FLNB: variants seen among roughly 807,000 people sequenced by gnomAD.
FLNB encodes the protein filamin B, also known as filamin-B.
Under a neutral mutation model 250.6 loss-of-function variants are expected in FLNB, and 111 were observed. That is an observed-to-expected ratio of 0.44 (90% CI 0.38 to 0.52). The LOEUF is 0.52. Ranked by LOEUF, FLNB falls within the 20% of genes least tolerant of loss-of-function variation. The probability of loss-of-function intolerance (pLI) is 0.00; values close to 1 mark genes in which losing one functional copy is unlikely to be tolerated. For missense variants in FLNB, 2,869 were observed against 3,447.8 expected, an observed-to-expected ratio of 0.83 and a Z score of 4.20; for synonymous variants, 1,302 against 1,372.1, an observed-to-expected ratio of 0.95 and a Z score of 1.13.
At chr3:58,109,490 G>T in intron 14 of FLNB, 86 bp from the exon 15 acceptor site, 3 of 1,609,282 alleles carry the variant, frequency 1.9e-6, no homozygotes, top group Admixed American at 1.7e-5. Context: ...CTGCTCAGAA[G>T]AACTATTTCT....
chr3:58,009,966 G>A (rs2097096024), intron 1 of FLNB, among the ~76,000 whole-genome samples: 1 of 152,224 alleles, frequency 6.6e-6, no homozygotes, highest in South Asian at 2.1e-4. Flanking sequence ...TGTGATGTGT[G>A]TGTGCATGTG....
chr3:58,053,530 A>G (rs2097165776), intron 1 of FLNB, among the ~76,000 whole-genome samples: 1 of 152,186 alleles, frequency 6.6e-6, no homozygotes, highest in Non-Finnish European at 1.5e-5. Context: ...GCGCTATCTC[A>G]GCTCACTGCA....
At chr3:58,099,437 T>C (rs1559691727) in intron 8 of FLNB, among the ~76,000 whole-genome samples, 1 of 152,238 alleles carries the variant, frequency 6.6e-6, no homozygotes, top group Non-Finnish European at 1.5e-5. Flanking sequence ...ACAGACTCTG[T>C]TGGCCTTACC....
chr3:58,089,142 C>G (rs1185352368), intron 4 of FLNB, among the ~76,000 whole-genome samples: 1 of 151,630 alleles, frequency 6.6e-6, no homozygotes, highest in Non-Finnish European at 1.5e-5. Context: ...ATACCAAGAA[C>G]CAGGAAGATC....
chr3:58,157,929 A>G (rs80328595), intron 41 of FLNB, among the ~76,000 whole-genome samples: 1 of 152,360 alleles, frequency 6.6e-6, no homozygotes, highest in East Asian at 1.9e-4. Context: ...AAGTGTGTTC[A>G]TCAGCATCGC....
intron 1 of FLNB, among the ~76,000 whole-genome samples, chr3:58,070,658 CTCTT>C (rs1469637522): frequency 4.6e-4 from 47 of 101,442 alleles, no homozygotes; most frequent in African/African-American, 2.1e-3. Context: ...CTCTCTCTCT[CTCTT>C]TTTTTTTTTT....
At position 58,118,907 on chromosome 3, in the gene FLNB, T is replaced by G. The variant is rs774948491; in HGVS notation, c.2781T>G (p.Asp927Glu). The change falls in exon 19 of 46, where the codon GAT becomes GAG. Residue 927 changes from aspartate (D) to glutamate (E), a missense_variant. This residue lies in a region of FLNB where 1,348 missense variants were observed against 1,466.7 expected (regional missense o/e 0.92). Transcript: ENST00000295956. Reference sequence around the variant, plus strand: ...AGGTTCTGGTGACTTACGGTGGCGATCCCATCCCTAAAAGCCCTTTCACTG... The same window carrying G: ...AGGTTCTGGTGACTTACGGTGGCGAGCCCATCCCTAAAAGCCCTTTCACTG... ...NMQVLVTYGGDPIPKSPFTVG... is the reference protein window; with the variant it reads ...NMQVLVTYGGEPIPKSPFTVG... The G allele has an allele frequency of 1.9e-6, 3 of 1,613,942 alleles. No individual in the cohort carries two copies. Among genetic ancestry groups the G allele is most frequent in the Admixed American group, 1.7e-5 (1 of 59,988 alleles).
intron 32 of FLNB, among the ~76,000 whole-genome samples, chr3:58,144,229 T>C (rs1440145526): frequency 1.3e-5 from 2 of 152,234 alleles, no homozygotes; most frequent in Admixed American, 1.3e-4. Context: ...TAAATTTTTT[T>C]ATGTTCGATT....
At position 58,144,923 on chromosome 3, in the gene FLNB, C is replaced by T. The variant is rs111492947; in HGVS notation, c.5426-998C>T. 1.4e-4 allele frequency among the ~76,000 whole-genome samples: 22 copies of T among 152,310 alleles called. 1 individual carries two copies. The South Asian group carries it at 1.5e-3, about 10-fold the overall frequency. ...TCTGTGAACTGAACATTTGGATCCA[C>T]GGCCTGTTTTTCTATTTGGTTATTG... On this transcript the variant is annotated intron_variant, in intron 32 of 45. Coordinates refer to ENST00000295956, the MANE Select transcript of FLNB (RefSeq NM_001457.4).
intron 4 of FLNB, among the ~76,000 whole-genome samples, chr3:58,082,143 C>T (rs2097210040): frequency 6.6e-6 from 1 of 152,166 alleles, no homozygotes; most frequent in South Asian, 2.1e-4. Flanking sequence ...ATTCATTTCT[C>T]CTTCTGTTAC....
At chr3:58,075,540 G>A (rs1371970542) in intron 1 of FLNB, among the ~76,000 whole-genome samples, 1 of 152,160 alleles carries the variant, frequency 6.6e-6, no homozygotes, top group East Asian at 1.9e-4. Context: ...TGGGGTTTAT[G>A]TAGGTTCTGA....
rs200289697 is a variant in FLNB at position 58,108,083 on chromosome 3, A to AC, written c.1942-374dup. 6.1e-3 allele frequency among the ~76,000 whole-genome samples: 929 copies of AC among 152,322 alleles called. 42 individuals carry two copies. In the East Asian group the frequency reaches 0.14, roughly 23 times the overall value. On this transcript the variant is annotated intron_variant, in intron 12 of 45. Transcript: ENST00000295956. ...GGAAGGAGAAGAATTGTCTTGGGCC[A>AC]CACATAAAATACTAATGATAGCCGA...
intron 24 of FLNB, 110 bp from the exon 25 acceptor site, chr3:58,130,631 C>A: frequency 9.2e-7 from 1 of 1,087,628 alleles, no homozygotes. Flanking sequence ...GGGAGCTGAC[C>A]GAGGCCTGCA....
intron 8 of FLNB, among the ~76,000 whole-genome samples, chr3:58,100,484 G>C (rs1559692573): frequency 6.7e-6 from 1 of 149,854 alleles, no homozygotes; most frequent in Non-Finnish European, 1.5e-5. Flanking sequence ...CGACCTCCCA[G>C]GCTCAAATGA....
chr3:58,074,981 A>T (rs1332790433), intron 1 of FLNB, among the ~76,000 whole-genome samples: 1 of 152,120 alleles, frequency 6.6e-6, no homozygotes, highest in Non-Finnish European at 1.5e-5. Context: ...TTAAATTCTG[A>T]TGATTTCTCT....
chr3:58,144,564 G>T (rs1292239417), intron 32 of FLNB, among the ~76,000 whole-genome samples: 1 of 152,132 alleles, frequency 6.6e-6, no homozygotes, highest in Non-Finnish European at 1.5e-5. Flanking sequence ...TGCGCAAATC[G>T]ACTTTTCCCC....
intron 1 of FLNB, among the ~76,000 whole-genome samples, chr3:58,046,245 A>G (rs763739073): frequency 6.6e-6 from 1 of 152,030 alleles, no homozygotes; most frequent in African/African-American, 2.4e-5. Flanking sequence ...TCTTAGTCCT[A>G]CTTGTAACTA....
At chr3:58,011,276 G>T (rs140975811) in intron 1 of FLNB, among the ~76,000 whole-genome samples, 25 of 152,220 alleles carry the variant, frequency 1.6e-4, no homozygotes, top group African/African-American at 5.8e-4. Flanking sequence ...GACGTTCCAG[G>T]GTTAGTTAGC....
chr3:58,069,232 C>CTTTTTTTTTTTT (rs59689498), intron 1 of FLNB, among the ~76,000 whole-genome samples: 2 of 86,384 alleles, frequency 2.3e-5, no homozygotes, highest in Admixed American at 1.2e-4. Flanking sequence ...TAGTTCAATT[C>CTTTTTTTTTTTT]TTTTTTTTTT....
Sources: allele counts gnomAD v4.1 joint callset (sites outside exome capture counted in the v4.1 genomes callset), GRCh38; gene constraint gnomAD v4.1.1; regional missense constraint gnomAD v4.1.1; transcripts MANE v1.5; gene names NCBI Gene and HGNC (gene_info 2026-07-23, HGNC 2026-07-21).